GSDMA: variants seen among roughly 807,000 people sequenced by gnomAD.
GSDMA encodes gasdermin A, also known as gasdermin-A.
GSDMA carries 55 observed loss-of-function variants against 54.3 expected under a neutral mutation model. The observed-to-expected ratio is 1.01, with a 90% CI of 0.82 to 1.27. GSDMA has a LOEUF of 1.27. Ranked by LOEUF, GSDMA falls within the 50% of genes most tolerant of loss-of-function variation. The probability of loss-of-function intolerance (pLI) is 0.00; values close to 1 mark genes in which losing one functional copy is unlikely to be tolerated. For missense variants in GSDMA, 542 were observed against 542.6 expected (o/e 1.00, Z 0.01); for synonymous variants, 211 against 224.7 (o/e 0.94, Z 0.54).
chr17:39,968,328 C>CCACCCCCAGCCAAGACACTG (rs1979763715), intron 3 of GSDMA, among the ~76,000 whole-genome samples: 1 of 105,676 alleles, frequency 9.5e-6, no homozygotes, highest in East Asian at 2.5e-4. Flanking sequence ...GCGTGAGCCA[C>CCACCCCCAGCCAAGACACTG]TGAGCCCGGT....
intron 3 of GSDMA, among the ~76,000 whole-genome samples, chr17:39,969,244 G>A (rs1979817819): frequency 1.3e-5 from 2 of 151,784 alleles, no homozygotes; most frequent in African/African-American, 2.4e-5. Flanking sequence ...CAGCTACTCA[G>A]GAGGTTGAGG....
At chr17:39,972,667 T>G in intron 7 of GSDMA, 54 bp downstream of exon 7, 1 of 1,485,866 alleles carries the variant, frequency 6.7e-7, no homozygotes, top group Non-Finnish European at 9.3e-7. Flanking sequence ...ATTTTAAAAC[T>G]CCAGTCTTTT....
In GSDMA at chr17:39,972,338, CAGAT is replaced by C. The variant is rs1029992584; in HGVS notation, c.703+166_703+169del. Among the ~76,000 whole-genome samples the C allele has an allele frequency of 1.4e-4, 22 of 151,976 alleles. 2 individuals are homozygous for C. Among genetic ancestry groups the C allele is most frequent in the Admixed American group, 1.4e-3 (21 of 15,258 alleles). ...ATACCTAGCCTCAACTTTAGAAAGA[CAGAT>C]AGAGGCATATAAATACTGTCCCAGA... On this transcript the variant is annotated intron_variant, in intron 6 of 11. Transcript: ENST00000301659.
At chr17:39,967,128 A>G (rs1979705629) in intron 3 of GSDMA, among the ~76,000 whole-genome samples, 1 of 152,208 alleles carries the variant, frequency 6.6e-6, no homozygotes, top group African/African-American at 2.4e-5. Context: ...AAAGCACTCT[A>G]CTACGGGCTG....
chr17:39,965,888 C>G lies in GSDMA; in HGVS notation c.201C>G (p.Gly67=), dbSNP rs1273811792. The change falls in exon 2 of 12, where the codon GGC becomes GGG. Residue 67 remains glycine, a synonymous_variant. Transcript: ENST00000301659. ...CGCTGCTGGATGTGCTTGAGCCCGG[C>G]AGCTCACCTTCAGGTCAGCCTCAAG... ...DYTLLDVLEP[G]SSPSDPTDTG... 1 of 1,553,896 alleles carries G rather than the reference C, an allele frequency of 6.4e-7. No individual in the cohort carries two copies. The highest frequency in any genetic ancestry group is 8.7e-7 in the Non-Finnish European group (1 of 1,148,724).
intron 11 of GSDMA, 80 bp from the exon 12 acceptor site, chr17:39,976,736 A>C: frequency 6.4e-7 from 1 of 1,568,316 alleles, no homozygotes; most frequent in Non-Finnish European, 8.7e-7. Flanking sequence ...GGGGAATGTA[A>C]CCTTCTTGTG....
chr17:39,976,112 G>T (rs1980188866), intron 11 of GSDMA, 115 bp downstream of exon 11: 2 of 646,530 alleles, frequency 3.1e-6, no homozygotes, highest in East Asian at 2.9e-5. Flanking sequence ...TATCCCAGGG[G>T]CTTATGCCCA....
In GSDMA at chr17:39,977,292, C is replaced by CT. The variant is rs397965095; in HGVS notation, c.*251dup. 0.026 allele frequency: 1,526 copies of CT among 59,748 alleles called. 1 individual carries two copies. The highest frequency in any genetic ancestry group is 0.065 in the South Asian group (217 of 3,362). 3.7% of individuals were successfully genotyped at this position (59,748 alleles called of 1,614,324 possible). A position where few individuals can be genotyped will look rare whatever the true frequency, so the allele number is the denominator to read the frequency against. ...CTTAAATTTTCTTTACTTTTCTTTT[C>CT]TTTTTTTTTTTTTTTTTGAGATGGA... On this transcript the variant is annotated 3_prime_UTR_variant, in exon 12 of 12. Coordinates refer to ENST00000301659, the MANE Select transcript of GSDMA (RefSeq NM_178171.5).
In GSDMA at chr17:39,976,897, G is replaced by A; in HGVS notation, c.1177G>A (p.Gly393Arg). 3.1e-6 allele frequency: 5 copies of A among 1,613,968 alleles called. No individual in the cohort carries two copies. The highest frequency in any genetic ancestry group is 4.2e-6 in the Non-Finnish European group (5 of 1,179,894). ...PLQPELLSSLGDEELTLTEAL... is the reference protein window; with the variant it reads ...PLQPELLSSLRDEELTLTEAL... The stretch of plus-strand genomic sequence containing the variant: ...GCAACCTGAGCTGCTCTCCTCCCTT[G>A]GGGACGAGGAGCTGACCCTCACGGA... Residue 393 changes from glycine (G) to arginine (R), a missense_variant, in exon 12 of 12, where the codon GGG becomes AGG. By Grantham distance (125) the Gly-to-Arg change is moderately radical. Coordinates refer to ENST00000301659, the MANE Select transcript of GSDMA (RefSeq NM_178171.5).
In GSDMA at chr17:39,971,510, T is replaced by A; in HGVS notation, c.559-14T>A. On this transcript the variant is annotated splice_polypyrimidine_tract_variant and intron_variant, in intron 4 of 11. Transcript: ENST00000301659. The stretch of plus-strand genomic sequence containing the variant: ...ATGTCCAGAGATTCACAAATTCTCA[T>A]TGTCTAATTCTAGGGATCCATAAAT... 1.2e-6 allele frequency: 2 copies of A among 1,600,428 alleles called. No individual in the cohort carries two copies. Among genetic ancestry groups the A allele is most frequent in the African/African-American group, 1.3e-5 (1 of 74,748 alleles).
At chr17:39,971,171 G>A (rs1025760435) in intron 4 of GSDMA, among the ~76,000 whole-genome samples, 1 of 152,184 alleles carries the variant, frequency 6.6e-6, no homozygotes, top group Non-Finnish European at 1.5e-5. Flanking sequence ...TGGGACAGAT[G>A]GTGAAGAGGA....
chr17:39,969,205 A>G (rs186758046), intron 3 of GSDMA, among the ~76,000 whole-genome samples: 28 of 152,136 alleles, frequency 1.8e-4, no homozygotes, highest in African/African-American at 6.0e-4. Context: ...ACGCAATATT[A>G]GCCGGGCATG....
chr17:39,965,725 G>A lies in GSDMA; in HGVS notation c.38G>A (p.Arg13Lys), dbSNP rs1269864904. Residue 13 changes from arginine (R) to lysine (K), a missense_variant, in exon 2 of 12, where the codon AGA (arginine) becomes AAA (lysine). Coordinates refer to ENST00000301659, the MANE Select transcript of GSDMA (RefSeq NM_178171.5). Reference sequence around the variant, plus strand: ...GAAAATGTCACCCGGGCCCTGGCCAGACAGCTAAACCCTCGAGGGGACCTG... The same window carrying A: ...GAAAATGTCACCCGGGCCCTGGCCAAACAGCTAAACCCTCGAGGGGACCTG... ...MFENVTRALARQLNPRGDLTP... is the reference protein window; with the variant it reads ...MFENVTRALAKQLNPRGDLTP... 6.2e-7 allele frequency: 1 copy of A among 1,611,308 alleles called. No individual in the cohort carries two copies. The highest frequency in any genetic ancestry group is 8.5e-7 in the Non-Finnish European group (1 of 1,178,846).
intron 7 of GSDMA, 55 bp downstream of exon 7, chr17:39,972,668 C>G (rs1980007493): frequency 5.4e-6 from 8 of 1,485,336 alleles, no homozygotes; most frequent in Non-Finnish European, 7.5e-6. Context: ...TTTTAAAACT[C>G]CAGTCTTTTT....
Position 39,975,936 on chromosome 17 carries a change from C to G in GSDMA, c.1034C>G (p.Ala345Gly). ...TTTTTTTCTCCAGAGCTAAGTGAAG[C>G]CCAACAGAAGCTGCTGGTGAAATCC... ...FVGALTELSEAQQKLLVKSME... is the reference protein window; with the variant it reads ...FVGALTELSEGQQKLLVKSME... Residue 345 changes from alanine to glycine, a missense_variant, in exon 11 of 12, where the codon GCC becomes GGC. Transcript: ENST00000301659. 1 of 1,598,620 alleles carries G rather than the reference C, an allele frequency of 6.3e-7. No homozygotes were observed. Among genetic ancestry groups the G allele is most frequent in the Non-Finnish European group, 8.5e-7 (1 of 1,172,276 alleles).
chr17:39,972,058 T>G (rs1043413132), intron 5 of GSDMA, 71 bp from the exon 6 acceptor site: 14 of 1,077,546 alleles, frequency 1.3e-5, no homozygotes, highest in Non-Finnish European at 1.8e-5. Context: ...GCCCTTTGGC[T>G]TGAGACTGAA....
rs201250126 is a variant in GSDMA, at chr17:39,972,195, G to A, written c.703+19G>A. The A allele has an allele frequency of 4.5e-6, 7 of 1,542,360 alleles. No homozygotes were observed. The highest frequency in any genetic ancestry group is 3.5e-5 in the South Asian group (3 of 86,710). ...CCTGGAGGTAAGTGAAATTGCTTAC[G>A]GGCTTCCCACATCTTCCGCCCTACC... On this transcript the variant is annotated intron_variant, in intron 6 of 11. Coordinates refer to ENST00000301659, the MANE Select transcript of GSDMA (RefSeq NM_178171.5).
At chr17:39,965,972 G>A in intron 2 of GSDMA, 71 bp downstream of exon 2, 1 of 1,381,978 alleles carries the variant, frequency 7.2e-7, no homozygotes. Context: ...CCTGCAAGGA[G>A]GACCTCAAAG....
chr17:39,972,026 C>T, intron 5 of GSDMA, 103 bp from the exon 6 acceptor site: 1 of 704,718 alleles, frequency 1.4e-6, no homozygotes. Flanking sequence ...ATTTGGGGTG[C>T]AAGGTCCTAG....
Sources: allele counts gnomAD v4.1 joint callset (sites outside exome capture counted in the v4.1 genomes callset), GRCh38; gene constraint gnomAD v4.1.1; transcripts MANE v1.5; gene names NCBI Gene and HGNC (gene_info 2026-07-23, HGNC 2026-07-21).